The following EIF4E3 variants were observed in gnomAD, a reference collection of about 807,000 sequenced individuals.
EIF4E3 encodes the protein eukaryotic translation initiation factor 4E family member 3.
In EIF4E3, 26 loss-of-function variants were observed where a neutral mutation model predicts 31.7. The ratio of observed to expected loss-of-function variants is 0.82; its 90% CI spans 0.60 to 1.14. The LOEUF (loss-of-function observed/expected upper bound fraction) is 1.14. Ranked by LOEUF, EIF4E3 falls within the 50% of genes most tolerant of loss-of-function variation. The pLI, the probability that EIF4E3 is intolerant of heterozygous loss-of-function variation, is 0.00. For missense variants in EIF4E3, 304 were observed against 270.9 expected, an observed-to-expected ratio of 1.12 and a Z score of -0.86; for synonymous variants, 128 against 107.7, an observed-to-expected ratio of 1.19 and a Z score of -1.17.
chr3:71,663,257 C>T, the EIF4E3 span, among the ~76,000 whole-genome samples: 1 of 152,088 alleles, frequency 6.6e-6, no homozygotes, highest in East Asian at 1.9e-4. Context: ...TTTTGATTCT[C>T]CTTCCAAAGC....
At chr3:71,672,397 G>A (rs554574359), downstream of EIF4E3, among the ~76,000 whole-genome samples, 1 of 152,288 alleles carries the variant, frequency 6.6e-6, no homozygotes, top group East Asian at 1.9e-4. Flanking sequence ...AGGAGGGCTC[G>A]CCATGCACTT....
Position 71,696,451 on chromosome 3 carries a change from G to A in EIF4E3, c.405+9C>T. ...CGCCGGTTCTAGAAGAGGATCAGTA[G>A]GAACCTACCGTGCTGTCCTTGGGGA... On this transcript the variant is annotated intron_variant, in intron 4 of 6. Coordinates refer to ENST00000425534, the MANE Select transcript of EIF4E3 (RefSeq NM_001134651.2). The A allele has an allele frequency of 6.2e-7, 1 of 1,614,024 alleles. No homozygotes were observed. The highest frequency in any genetic ancestry group is 8.5e-7 in the Non-Finnish European group (1 of 1,179,984).
the EIF4E3 span, among the ~76,000 whole-genome samples, chr3:71,661,337 G>C: frequency 6.6e-6 from 1 of 152,040 alleles, no homozygotes; most frequent in Non-Finnish European, 1.5e-5. Context: ...TAGAAACTGG[G>C]AAGCCTCGTG....
chr3:71,686,379 C>T (rs929629737), intron 6 of EIF4E3, among the ~76,000 whole-genome samples: 3 of 152,152 alleles, frequency 2.0e-5, no homozygotes, highest in South Asian at 4.2e-4. Context: ...TCATCTTGGA[C>T]GTTCACCCCA....
intron 2 of EIF4E3, among the ~76,000 whole-genome samples, chr3:71,705,277 T>C (rs1408376594): frequency 2.6e-5 from 4 of 152,186 alleles, no homozygotes; most frequent in African/African-American, 7.2e-5. Flanking sequence ...AGAGCCCTCA[T>C]TTCCCAAGGG....
the EIF4E3 span, among the ~76,000 whole-genome samples, chr3:71,669,047 A>G: frequency 1.3e-5 from 2 of 152,222 alleles, no homozygotes; most frequent in South Asian, 2.1e-4. Flanking sequence ...CATATGCACC[A>G]TGGAATACTA....
At chr3:71,716,285 C>T (rs376591811) in intron 1 of EIF4E3, among the ~76,000 whole-genome samples, 4 of 152,162 alleles carry the variant, frequency 2.6e-5, no homozygotes, top group East Asian at 3.9e-4. Flanking sequence ...CAAGCTGGAG[C>T]GCAGTGGCGC....
intron 6 of EIF4E3, among the ~76,000 whole-genome samples, chr3:71,685,149 CTAAAAA>C (rs2048975582): frequency 1.3e-5 from 2 of 151,986 alleles, no homozygotes; most frequent in Admixed American, 6.6e-5. Flanking sequence ...TAAAAATAAA[CTAAAAA>C]TAAAACAAAA....
the EIF4E3 span, among the ~76,000 whole-genome samples, chr3:71,665,754 C>T: frequency 9.5e-3 from 1,453 of 152,242 alleles, 47 homozygotes; most frequent in East Asian, 0.089. Flanking sequence ...ACAGTCTCTC[C>T]GACCACAGTG....
At chr3:71,659,483 G>C in the EIF4E3 span, among the ~76,000 whole-genome samples, 3 of 152,270 alleles carry the variant, frequency 2.0e-5, no homozygotes, top group African/African-American at 4.8e-5. Flanking sequence ...GGCACAGATC[G>C]TCTTCTTGAC....
At chr3:71,686,254 T>A (rs1274353779) in intron 6 of EIF4E3, among the ~76,000 whole-genome samples, 1 of 152,120 alleles carries the variant, frequency 6.6e-6, no homozygotes, top group Non-Finnish European at 1.5e-5. Context: ...ACTCCCAAAG[T>A]GCTGGGATTA....
At position 71,752,214 on chromosome 3, in the gene EIF4E3, C is replaced by T. The variant is rs143971954; in HGVS notation, c.-291+1249G>A. Among the ~76,000 whole-genome samples the T allele has an allele frequency of 7.3e-3, 1,105 of 152,314 alleles. 5 individuals are homozygous for T. The highest frequency in any genetic ancestry group is 0.011 in the Non-Finnish European group (768 of 68,032). On this transcript the variant is annotated intron_variant, in intron 1 of 7. Coordinates refer to the EIF4E3 transcript ENST00000295612. ...GAGCTTGTTAGAAATGCAGAACCTCCGGCCCCATTCCAGAACTACTAAATC... is the reference window on the plus strand; with the variant it reads ...GAGCTTGTTAGAAATGCAGAACCTCTGGCCCCATTCCAGAACTACTAAATC...
rs920065311 is a variant in EIF4E3 at position 71,680,227 on chromosome 3, G to A, written c.*4455C>T. On this transcript the variant is annotated 3_prime_UTR_variant, in exon 7 of 7. Transcript: ENST00000425534. The stretch of plus-strand genomic sequence containing the variant: ...GAGGCTTTCCTCATTTGTCATATGT[G>A]GGAGTTGGATAAAATCAGGGGTTCT... The A allele has an allele frequency of 3.9e-5, 6 of 152,296 alleles. No homozygotes were observed. In the South Asian group the frequency reaches 1.2e-3, roughly 32 times the overall value. The allele number at this position is 152,296 out of a possible 1,614,324, so 9.4% of individuals were successfully genotyped here.
chr3:71,703,811 CAA>C (rs370789059), intron 2 of EIF4E3, among the ~76,000 whole-genome samples: 49 of 72,408 alleles, frequency 6.8e-4, no homozygotes, highest in African/African-American at 2.3e-3. Flanking sequence ...AAACACACAT[CAA>C]AAAAAAAAAA....
intron 6 of EIF4E3, 138 bp downstream of exon 6, chr3:71,689,872 A>C: frequency 1.2e-6 from 1 of 823,674 alleles, no homozygotes; most frequent in Non-Finnish European, 1.7e-6. Context: ...AAAAAAACTT[A>C]AATGTATTTT....
upstream of EIF4E3, among the ~76,000 whole-genome samples, chr3:71,730,277 A>G (rs1020855681): frequency 1.3e-5 from 2 of 152,198 alleles, no homozygotes; most frequent in African/African-American, 4.8e-5. Flanking sequence ...TGCCATAGGT[A>G]AACCCTGTGA....
intron 1 of EIF4E3, among the ~76,000 whole-genome samples, chr3:71,742,248 C>T (rs2049828377): frequency 8.5e-5 from 13 of 152,078 alleles, no homozygotes; most frequent in Admixed American, 8.5e-4. Flanking sequence ...TGATAAACTT[C>T]TGGCAGGACT....
the EIF4E3 span, among the ~76,000 whole-genome samples, chr3:71,660,210 C>T: frequency 1.3e-5 from 2 of 151,974 alleles, no homozygotes; most frequent in African/African-American, 4.8e-5. Flanking sequence ...AAGTGTTTGC[C>T]TAAGAGGTTA....
intron 1 of EIF4E3, among the ~76,000 whole-genome samples, chr3:71,735,178 G>C (rs1229126694): frequency 2.6e-5 from 4 of 152,148 alleles, no homozygotes; most frequent in Admixed American, 1.3e-4. Context: ...GGAGAGATTG[G>C]TGTAGCTGAA....
Sources: allele counts gnomAD v4.1 joint callset (sites outside exome capture counted in the v4.1 genomes callset), GRCh38; gene constraint gnomAD v4.1.1; transcripts MANE v1.5; gene names NCBI Gene and HGNC (gene_info 2026-07-23, HGNC 2026-07-21).